Variants in KATNA1 observed in about 807,000 individuals in gnomAD.
KATNA1 encodes katanin p60 ATPase-containing subunit A1.
In KATNA1, 42 loss-of-function variants were observed where a neutral mutation model predicts 62.6. That is an observed-to-expected ratio of 0.67 (90% CI 0.52 to 0.87). KATNA1 has a LOEUF of 0.87. Ranked by LOEUF, KATNA1 falls within the 40% of genes least tolerant of loss-of-function variation. KATNA1 has a pLI of 0.00. For synonymous variants in KATNA1, 186 were observed against 201.9 expected, an observed-to-expected ratio of 0.92 and a Z score of 0.67; for missense variants, 498 against 612.5, an observed-to-expected ratio of 0.81 and a Z score of 1.97.
At chr6:149,616,230 T>C (rs576967144) in intron 4 of KATNA1, among the ~76,000 whole-genome samples, 1 of 152,340 alleles carries the variant, frequency 6.6e-6, no homozygotes, top group South Asian at 2.1e-4. Flanking sequence ...TTATGTTATG[T>C]GCATTTTACT....
rs547197588 is a variant in KATNA1, at chr6:149,645,286, A to G, written c.-14+3183T>C. Among the ~76,000 whole-genome samples the G allele has an allele frequency of 4.6e-5, 7 of 152,174 alleles. No homozygotes were observed. The South Asian group carries it at 1.0e-3, about 23-fold the overall frequency. On this transcript the variant is annotated intron_variant, in intron 1 of 10. Coordinates refer to ENST00000367411, the MANE Select transcript of KATNA1 (RefSeq NM_007044.4). Reference sequence around the variant, plus strand: ...GTGAAACCCCATCTCTACTAAAAATACAAAAAATTAGCCGGGCGTGGTGGC... The same window carrying G: ...GTGAAACCCCATCTCTACTAAAAATGCAAAAAATTAGCCGGGCGTGGTGGC...
At chr6:149,617,984 A>AT (rs1779241343) in intron 4 of KATNA1, among the ~76,000 whole-genome samples, 1 of 140,876 alleles carries the variant, frequency 7.1e-6, no homozygotes, top group African/African-American at 2.6e-5. Context: ...ATAAATAAAT[A>AT]AATAAATATA....
intron 4 of KATNA1, among the ~76,000 whole-genome samples, chr6:149,622,700 T>C (rs1779445409): frequency 7.2e-6 from 1 of 138,260 alleles, no homozygotes; most frequent in East Asian, 2.1e-4. Flanking sequence ...TACAGCTTAT[T>C]GAAATTTGGG....
intron 1 of KATNA1, among the ~76,000 whole-genome samples, chr6:149,644,432 C>T (rs1780404991): frequency 6.6e-6 from 1 of 151,718 alleles, no homozygotes. Context: ...ACCAGCCTGG[C>T]CAACATAGTG....
Position 149,601,777 on chromosome 6 carries a change from CA to C in KATNA1, c.730-26del, listed in dbSNP as rs1778552283. On this transcript the variant is annotated intron_variant, in intron 6 of 10. Transcript: ENST00000367411. ...CCTGTTGCGAATATAATAGCCTCAG[CA>C]GAGGATTTATCTGCCATTGTTCTAA... 3 of 1,503,772 alleles carry C rather than the reference CA, an allele frequency of 2.0e-6. No individual in the cohort carries two copies. The East Asian group carries it at 7.2e-5, about 36-fold the overall frequency. The allele number at this position is 1,503,772 out of a possible 1,614,324, so 93.2% of individuals were successfully genotyped here. A position where few individuals can be genotyped will look rare whatever the true frequency, so the allele number is the denominator to read the frequency against.
At chr6:149,598,430 A>G (rs1244177856) in intron 7 of KATNA1, 80 bp from the exon 8 acceptor site, 19 of 1,431,708 alleles carry the variant, frequency 1.3e-5, no homozygotes, top group Non-Finnish European at 1.8e-5. Flanking sequence ...GCAATCAGAA[A>G]ATAGCTGAGG....
intron 3 of KATNA1, among the ~76,000 whole-genome samples, chr6:149,625,877 T>C (rs1779585362): frequency 6.6e-6 from 1 of 150,736 alleles, no homozygotes; most frequent in South Asian, 2.1e-4. Context: ...GAGGTTGCAG[T>C]GAGCCGAGCT....
chr6:149,597,568 C>A lies in KATNA1; in HGVS notation c.1089G>T (p.Trp363Cys). ...VMVLAATNFP[W>C]DIDEALRRRL... ...GTCGTCTTAAAGCCTCATCTATATCCCAGGGAAAATTAGTAGCTGCCAGAA... is the reference window on the plus strand; with the variant it reads ...GTCGTCTTAAAGCCTCATCTATATCACAGGGAAAATTAGTAGCTGCCAGAA... The change falls in exon 9 of 11, where the codon TGG becomes TGT. Residue 363 changes from tryptophan (W) to cysteine (C), a missense_variant. By Grantham distance (215) the Trp-to-Cys change is radical. Coordinates refer to ENST00000367411, the MANE Select transcript of KATNA1 (RefSeq NM_007044.4). 2 of 1,613,904 alleles carry A rather than the reference C, an allele frequency of 1.2e-6. No homozygotes were observed. The highest frequency in any genetic ancestry group is 1.7e-6 in the Non-Finnish European group (2 of 1,179,900).
intron 3 of KATNA1, among the ~76,000 whole-genome samples, chr6:149,626,854 G>C (rs1388726517): frequency 6.6e-6 from 1 of 151,164 alleles, no homozygotes; most frequent in Non-Finnish European, 1.5e-5. Flanking sequence ...CCTGGTGGCA[G>C]GCGCCTATAA....
intron 8 of KATNA1, 136 bp from the exon 9 acceptor site, chr6:149,597,777 A>T: frequency 5.5e-6 from 4 of 731,750 alleles, no homozygotes; most frequent in Non-Finnish European, 8.9e-6. Context: ...CTTAAGACTT[A>T]GGTTAACTGG....
intron 1 of KATNA1, among the ~76,000 whole-genome samples, chr6:149,647,395 G>A (rs147463417): frequency 6.6e-6 from 1 of 151,510 alleles, no homozygotes; most frequent in Non-Finnish European, 1.5e-5. Context: ...AGTGGAGCGC[G>A]CCTGTAGTCA....
chr6:149,633,001 T>C lies in KATNA1; in HGVS notation c.163-85A>G, dbSNP rs547140448. The C allele has an allele frequency of 7.0e-6, 7 of 1,002,784 alleles. No homozygotes were observed. In the South Asian group the frequency reaches 1.4e-4, roughly 20 times the overall value. 62.1% of individuals were successfully genotyped at this position (1,002,784 alleles called of 1,614,324 possible). ...AATGAGGGCCATTTACTAGAGATGTTACAAAACTCCATTTTGATATCAGAT... is the reference window on the plus strand; with the variant it reads ...AATGAGGGCCATTTACTAGAGATGTCACAAAACTCCATTTTGATATCAGAT... On this transcript the variant is annotated intron_variant, in intron 2 of 10. Coordinates refer to ENST00000367411, the MANE Select transcript of KATNA1 (RefSeq NM_007044.4).
intron 3 of KATNA1, among the ~76,000 whole-genome samples, chr6:149,624,656 A>C (rs1779535757): frequency 6.6e-6 from 1 of 152,088 alleles, no homozygotes; most frequent in African/African-American, 2.4e-5. Context: ...CTGGGACTAC[A>C]GGCGTGAGCC....
chr6:149,618,091 G>A (rs1282758226), intron 4 of KATNA1, among the ~76,000 whole-genome samples: 1 of 149,120 alleles, frequency 6.7e-6, no homozygotes, highest in Non-Finnish European at 1.5e-5. Flanking sequence ...GGAGGCGGAG[G>A]TTGCAGTGAG....
intron 1 of KATNA1, among the ~76,000 whole-genome samples, chr6:149,647,069 T>G (rs974248835): frequency 6.6e-6 from 1 of 152,044 alleles, no homozygotes; most frequent in African/African-American, 2.4e-5. Context: ...TAAACGCTTC[T>G]TGAATAACCA....
At chr6:149,620,122 A>G (rs146751839) in intron 4 of KATNA1, among the ~76,000 whole-genome samples, 247 of 152,304 alleles carry the variant, frequency 1.6e-3, no homozygotes, top group African/African-American at 5.7e-3. Context: ...CTCACTCATG[A>G]CGAAGCTAAA....
At chr6:149,630,321 G>A (rs1037635002) in intron 3 of KATNA1, among the ~76,000 whole-genome samples, 3 of 152,210 alleles carry the variant, frequency 2.0e-5, no homozygotes, top group East Asian at 3.8e-4. Flanking sequence ...GTCCTTTTAT[G>A]TGGAGATTAA....
In KATNA1 at chr6:149,595,112, T is replaced by C; in HGVS notation, c.1400A>G (p.Lys467Arg). Residue 467 changes from lysine to arginine, a missense_variant, in exon 11 of 11, where the codon AAA (lysine) becomes AGA (arginine). Lys to Arg is a conservative substitution (Grantham distance 26, BLOSUM62 2). Coordinates refer to ENST00000367411, the MANE Select transcript of KATNA1 (RefSeq NM_007044.4). ...TTMEDFEMAL[K>R]KVSKSVSAAD... ...AGCAGACACTGACTTAGAAACCTTT[T>C]TTAAAGCCATCTCGAAATCCTCCAT... 1.2e-6 allele frequency: 2 copies of C among 1,614,136 alleles called. No homozygotes were observed. The highest frequency in any genetic ancestry group is 8.5e-7 in the Non-Finnish European group (1 of 1,180,002).
chr6:149,632,372 TAAA>T (rs11441223), intron 3 of KATNA1, among the ~76,000 whole-genome samples: 4 of 133,562 alleles, frequency 3.0e-5, no homozygotes, highest in Non-Finnish European at 3.2e-5. Flanking sequence ...AGACTCTGTC[TAAA>T]AAAAAAAAAA....
Sources: gnomAD v4.1 joint callset for allele counts (sites outside exome capture counted in the v4.1 genomes callset) on GRCh38, gnomAD v4.1.1 for gene constraint, MANE v1.5 for transcripts, NCBI Gene and HGNC (gene_info 2026-07-23, HGNC 2026-07-21) for gene names.